The following AANAT variants were observed in gnomAD, a reference collection of about 807,000 sequenced individuals.
AANAT encodes the protein aralkylamine N-acetyltransferase.
Under a neutral mutation model 15.6 loss-of-function variants are expected in AANAT, and 11 were observed. The ratio of observed to expected loss-of-function variants is 0.71; its 90% confidence interval spans 0.44 to 1.17. AANAT has a LOEUF of 1.17. Ranked by LOEUF, AANAT falls within the 50% of genes most tolerant of loss-of-function variation. The pLI is 0.00. For missense variants in AANAT, 286 were observed against 296.3 expected (o/e 0.97, Z 0.26); for synonymous variants, 139 against 131.5 (o/e 1.06, Z -0.39).
At chr17:76,458,194 C>T (rs2073356954) in intron 1 of AANAT, among the ~76,000 whole-genome samples, 2 of 151,882 alleles carry the variant, frequency 1.3e-5, no homozygotes, top group Admixed American at 1.3e-4. Context: ...TTTCAAGTGC[C>T]CCCAGTTTCA....
At chr17:76,460,619 T>C (rs2073379628) in intron 2 of AANAT, among the ~76,000 whole-genome samples, 1 of 152,178 alleles carries the variant, frequency 6.6e-6, no homozygotes, top group Non-Finnish European at 1.5e-5. Context: ...CTTTTTAAAA[T>C]GTGGCTACTA....
At position 76,469,196 on chromosome 17, in the gene AANAT, TG is replaced by T; in HGVS notation, c.188del (p.Cys63SerfsTer12). On this transcript the variant is annotated frameshift_variant, in exon 3 of 4. Transcript: ENST00000392492. LOFTEE classifies it high-confidence loss of function. This position sits in a 1 kb window ranked among gnomAD's most constrained non-coding sequence, Gnocchi z 5.2. Reference sequence around the variant, plus strand: ...AGCCTTCATCTCCGTCTTGGGCGTCTGCCCCCTGTACCTGGATGAGATCCGG... The same window carrying T: ...AGCCTTCATCTCCGTCTTGGGCGTCTCCCCCTGTACCTGGATGAGATCCGG... ...REAFISVLGV[C>X]PLYLDEIRHF... is the part of the protein sequence containing the mutation. 6.2e-7 allele frequency: 1 copy of T among 1,614,148 alleles called. No individual in the cohort carries two copies. The highest frequency in any genetic ancestry group is 1.3e-5 in the African/African-American group (1 of 75,066).
chr17:76,464,581 C>T (rs898815967), upstream of AANAT, among the ~76,000 whole-genome samples: 2 of 152,148 alleles, frequency 1.3e-5, no homozygotes, highest in African/African-American at 2.4e-5. Context: ...CAGGGAGTCG[C>T]GGTGGGTGAG....
rs746533176 is a variant in AANAT, at chr17:76,468,854, G to A, written c.108G>A (p.Glu36=). The A allele has an allele frequency of 1.9e-6, 3 of 1,613,668 alleles. No individual in the cohort carries two copies. The highest frequency in any genetic ancestry group is 1.1e-5 in the South Asian group (1 of 91,086). ...GGCGCCACACACTCCCTGCCAGTGA[G>A]TTTCGCTGCCTCACCCCGGAGGACG... ...CQRRHTLPAS[E]FRCLTPEDAV... Residue 36 remains glutamate (E), a synonymous_variant, in exon 2 of 4, where the codon GAG becomes GAA. Coordinates refer to ENST00000392492, the MANE Select transcript of AANAT (RefSeq NM_001088.3).
chr17:76,455,381 T>C (rs1259755365), intron 1 of AANAT, among the ~76,000 whole-genome samples: 1 of 149,672 alleles, frequency 6.7e-6, no homozygotes, highest in African/African-American at 2.5e-5. Flanking sequence ...AACCTGGGGG[T>C]TGGAGGTTGC....
At chr17:76,467,340 G>A (rs1005537825), upstream of AANAT, among the ~76,000 whole-genome samples, 5 of 152,132 alleles carry the variant, frequency 3.3e-5, no homozygotes, top group Admixed American at 2.0e-4. Flanking sequence ...AGGGAGAATC[G>A]CTGGTGCCCA....
At chr17:76,462,514 C>A (rs1036512180) in intron 3 of AANAT, 1 of 152,322 alleles carries the variant, frequency 6.6e-6, no homozygotes, top group African/African-American at 2.4e-5. Context: ...GTCTGAAGCT[C>A]CTCGGGGGAT....
chr17:76,460,129 A>ATTTTTTTT (rs1567863927), intron 2 of AANAT, among the ~76,000 whole-genome samples: 6 of 82,886 alleles, frequency 7.2e-5, no homozygotes, highest in Non-Finnish European at 7.0e-5. Context: ...TACTTCAGGA[A>ATTTTTTTT]ATTTTTTTTT....
upstream of AANAT, among the ~76,000 whole-genome samples, chr17:76,463,103 G>C (rs1433175520): frequency 6.6e-6 from 1 of 152,170 alleles, no homozygotes; most frequent in Non-Finnish European, 1.5e-5. Context: ...CCTGCACCAG[G>C]CTCTCCGGGG....
intron 2 of AANAT, 57 bp downstream of exon 2, chr17:76,468,966 G>C: frequency 6.4e-7 from 1 of 1,568,100 alleles, no homozygotes; most frequent in Admixed American, 1.7e-5. Context: ...GTTATCCTGT[G>C]GGGAGGAGAC....
chr17:76,469,399 G>A lies in AANAT; in HGVS notation c.318+72G>A. On this transcript the variant is annotated intron_variant, in intron 3 of 3. Coordinates refer to ENST00000392492, the MANE Select transcript of AANAT (RefSeq NM_001088.3). This position sits in a 1 kb window ranked among gnomAD's most constrained non-coding sequence, Gnocchi z 5.2. ...CAGAGGTCAGCCAGATGGCGGGGAGGGGAGCCCAGGGGCTGGGATTTCTTC... is the reference window on the plus strand; with the variant it reads ...CAGAGGTCAGCCAGATGGCGGGGAGAGGAGCCCAGGGGCTGGGATTTCTTC... 1 of 1,580,304 alleles carries A rather than the reference G, an allele frequency of 6.3e-7. No homozygotes were observed.
chr17:76,468,768 C>A lies in AANAT; in HGVS notation c.22C>A (p.Pro8Thr). 6.2e-7 allele frequency: 1 copy of A among 1,613,020 alleles called. No homozygotes were observed. The highest frequency in any genetic ancestry group is 1.1e-5 in the South Asian group (1 of 90,972). MSTQSTH[P>T]LKPEAPRLPP... ...CAGAATGTCCACGCAGAGCACCCAC[C>A]CCCTGAAACCTGAGGCCCCACGTCT... is the stretch of plus-strand genomic sequence containing the variant. The change falls in exon 2 of 4, where the codon CCC becomes ACC. Residue 8 changes from proline to threonine, a missense_variant. By Grantham distance (38) the Pro-to-Thr change is conservative. Coordinates refer to ENST00000392492, the MANE Select transcript of AANAT (RefSeq NM_001088.3).
At position 76,469,275 on chromosome 17, in the gene AANAT, G is replaced by A; in HGVS notation, c.266G>A (p.Cys89Tyr). 6.2e-7 allele frequency: 1 copy of A among 1,614,194 alleles called. No individual in the cohort carries two copies. Among genetic ancestry groups the A allele is most frequent in the Non-Finnish European group, 8.5e-7 (1 of 1,180,040 alleles). The change falls in exon 3 of 4, where the codon TGC (cysteine) becomes TAC (tyrosine). Residue 89 changes from cysteine (C) to tyrosine (Y), a missense_variant. Transcript: ENST00000392492. This position sits in a 1 kb window ranked among gnomAD's most constrained non-coding sequence, Gnocchi z 5.2. ...ELSLGWFEEG[C>Y]LVAFIIGSLW... ...TCCCTGGGCTGGTTCGAGGAGGGCTGCCTTGTGGCCTTCATCATCGGCTCG... is the reference window on the plus strand; with the variant it reads ...TCCCTGGGCTGGTTCGAGGAGGGCTACCTTGTGGCCTTCATCATCGGCTCG...
upstream of AANAT, among the ~76,000 whole-genome samples, chr17:76,463,309 C>CTTTTTTTTTTTTT (rs60885549): frequency 7.1e-5 from 8 of 111,942 alleles, no homozygotes; most frequent in African/African-American, 1.3e-4. Flanking sequence ...GGAAGGATTC[C>CTTTTTTTTTTTTT]TTTTTTTTTT....
chr17:76,469,132 C>T lies in AANAT; in HGVS notation c.164-41C>T. 6.2e-7 allele frequency: 1 copy of T among 1,611,024 alleles called. No homozygotes were observed. Among genetic ancestry groups the T allele is most frequent in the Non-Finnish European group, 8.5e-7 (1 of 1,178,242 alleles). The stretch of plus-strand genomic sequence containing the variant: ...GGTGCAGCAGACAGTGGACGCGAGG[C>T]ACAGCGACTACCAGTCACCCACCTG... On this transcript the variant is annotated intron_variant, in intron 2 of 3. Transcript: ENST00000392492. The surrounding 1 kb of genome is among the most constrained non-coding windows in gnomAD (Gnocchi z 5.2).
chr17:76,463,309 C>CTTTTTTTTTTTT (rs60885549), upstream of AANAT, among the ~76,000 whole-genome samples: 38 of 111,942 alleles, frequency 3.4e-4, 1 homozygote, highest in African/African-American at 8.2e-4. Flanking sequence ...GGAAGGATTC[C>CTTTTTTTTTTTT]TTTTTTTTTT....
At chr17:76,465,424 C>A (rs1164609759), upstream of AANAT, among the ~76,000 whole-genome samples, 2 of 151,230 alleles carry the variant, frequency 1.3e-5, no homozygotes, top group Non-Finnish European at 2.9e-5. Context: ...CAGCCTGAAC[C>A]ACCTAGGCTC....
At chr17:76,453,866 G>A (rs796351894) in intron 1 of AANAT, 1 of 152,226 alleles carries the variant, frequency 6.6e-6, no homozygotes, top group Non-Finnish European at 1.5e-5. Flanking sequence ...AAGAATGAAT[G>A]GCAAGAGGTA....
At position 76,469,676 on chromosome 17, in the gene AANAT, G is replaced by T; in HGVS notation, c.330G>T (p.Thr110=). Residue 110 remains threonine, a synonymous_variant, in exon 4 of 4, where the codon ACG becomes ACT. Transcript: ENST00000392492. The surrounding 1 kb of genome is among the most constrained non-coding windows in gnomAD (Gnocchi z 5.2). ...DKERLMQESL[T]LHRSGGHIAH... is the part of the protein sequence containing the mutation. ...TTGCTCGCTCCCAGGAGTCACTGAC[G>T]CTGCACAGGTCTGGGGGCCACATAG... 6.7e-7 allele frequency: 1 copy of T among 1,496,552 alleles called. No homozygotes were observed. Among genetic ancestry groups the T allele is most frequent in the Admixed American group, 2.3e-5 (1 of 44,094 alleles). 92.7% of individuals were successfully genotyped at this position (1,496,552 alleles called of 1,614,324 possible).
Sources: allele counts gnomAD v4.1 joint callset (sites outside exome capture counted in the v4.1 genomes callset), GRCh38; gene constraint gnomAD v4.1.1; non-coding constraint Gnocchi (gnomAD v3.1); transcripts MANE v1.5; gene names NCBI Gene and HGNC (gene_info 2026-07-23, HGNC 2026-07-21).